DIP2A: variants seen among roughly 807,000 people sequenced by gnomAD.
The protein encoded by DIP2A is disco-interacting protein 2 homolog A.
A neutral mutation model predicts 177.4 loss-of-function variants in DIP2A; 85 were observed. The observed-to-expected ratio is 0.48, with a 90% CI of 0.40 to 0.57. DIP2A has a LOEUF of 0.57. Ranked by LOEUF, DIP2A falls within the 20% of genes least tolerant of loss-of-function variation. The pLI, the probability that DIP2A is intolerant of heterozygous loss-of-function variation, is 0.00. For synonymous variants in DIP2A, 886 were observed against 881.8 expected (o/e 1.00, Z -0.08); for missense variants, 1,791 against 2,100.2 (o/e 0.85, Z 2.88).
At position 46,529,132 on chromosome 21, in the gene DIP2A, A is replaced by G. The variant is rs767026744; in HGVS notation, c.1143A>G (p.Leu381=). The change falls in exon 9 of 38, where the codon CTA becomes CTG. Residue 381 remains leucine (L), a synonymous_variant. Transcript: ENST00000417564. ...GGAGTTTAAAACTAGCTTATACTCT[A>G]CTTAATAAACTGACAAGTAAGAATG... ...WSRSLKLAYT[L]LNKLTSKNEP... is the part of the protein sequence containing the mutation. The G allele has an allele frequency of 3.3e-6, 5 of 1,533,548 alleles. No homozygotes were observed. The Admixed American group carries it at 8.4e-5, about 26-fold the overall frequency. 95.0% of individuals were successfully genotyped at this position (1,533,548 alleles called of 1,614,324 possible).
chr21:46,495,244 T>TTCTCTTCTCTTCTC (rs2057275285), intron 3 of DIP2A, among the ~76,000 whole-genome samples: 1 of 38,176 alleles, frequency 2.6e-5, no homozygotes. Flanking sequence ...CTTCTCTTCT[T>TTCTCTTCTCTTCTC]TCTCTCTCTC....
At chr21:46,473,475 G>T (rs949255437) in intron 1 of DIP2A, among the ~76,000 whole-genome samples, 1 of 145,568 alleles carries the variant, frequency 6.9e-6, no homozygotes, top group Admixed American at 6.8e-5. Flanking sequence ...AAAGGGGGGG[G>T]GGCCATGGCG....
rs2059822040 is a variant in DIP2A at position 46,541,647 on chromosome 21, A to G, written c.2037-109A>G. ...AACATGCGTTTCTCACAAGTCTGTA[A>G]CATGGAGCAGTGGCTTTGGTGCAGA... On this transcript the variant is annotated intron_variant, in intron 17 of 37. Coordinates refer to ENST00000417564, the MANE Select transcript of DIP2A (RefSeq NM_015151.4). 17 of 1,299,160 alleles carry G rather than the reference A, an allele frequency of 1.3e-5. No homozygotes were observed. In the East Asian group the frequency reaches 3.9e-4, roughly 30 times the overall value. 80.5% of individuals were successfully genotyped at this position (1,299,160 alleles called of 1,614,324 possible).
intron 6 of DIP2A, among the ~76,000 whole-genome samples, chr21:46,508,504 G>A (rs1299274928): frequency 2.0e-5 from 3 of 150,788 alleles, no homozygotes; most frequent in South Asian, 2.1e-4. Flanking sequence ...GACTACAGGC[G>A]CCCGCCACCA....
chr21:46,578,918 G>GT, the DIP2A span, among the ~76,000 whole-genome samples: 5 of 152,016 alleles, frequency 3.3e-5, no homozygotes, highest in Non-Finnish European at 7.4e-5. Context: ...CTGAAGTTTT[G>GT]TTTTTTTGTT....
chr21:46,583,562 C>T, the DIP2A span, among the ~76,000 whole-genome samples: 1 of 152,220 alleles, frequency 6.6e-6, no homozygotes, highest in African/African-American at 2.4e-5. Flanking sequence ...TTTTTGTTCA[C>T]TCCAAAACTC....
chr21:46,579,979 G>A, the DIP2A span, among the ~76,000 whole-genome samples: 1 of 152,154 alleles, frequency 6.6e-6, no homozygotes, highest in Non-Finnish European at 1.5e-5. Context: ...TTAATCCAGA[G>A]CTGAGTTCAA....
chr21:46,566,553 T>C lies in DIP2A; in HGVS notation c.4340-7T>C. Reference sequence around the variant, plus strand: ...TCTGGGCACGTGTAAACACACACTGTTCACAGGGCGGCACGATGCACTGTA... The same window carrying C: ...TCTGGGCACGTGTAAACACACACTGCTCACAGGGCGGCACGATGCACTGTA... On this transcript the variant is annotated splice_region_variant and splice_polypyrimidine_tract_variant and intron_variant, in intron 36 of 37. Transcript: ENST00000417564. The C allele has an allele frequency of 6.2e-7, 1 of 1,614,034 alleles. No homozygotes were observed. Among genetic ancestry groups the C allele is most frequent in the Non-Finnish European group, 8.5e-7 (1 of 1,179,898 alleles).
Position 46,509,011 on chromosome 21 carries a change from C to T in DIP2A, c.785-246C>T, listed in dbSNP as rs183225508. Among the ~76,000 whole-genome samples, 481 of 151,946 alleles carry T rather than the reference C, an allele frequency of 3.2e-3. 4 individuals are homozygous for T. The highest frequency in any genetic ancestry group is 0.011 in the African/African-American group (459 of 41,472). On this transcript the variant is annotated intron_variant, in intron 6 of 37. Transcript: ENST00000417564. ...TCTAGCCTGGCAACAGAGTGAGTCT[C>T]CGTCTAAAGCAAAAAAACAAAAACA...
chr21:46,477,018 G>C (rs2055905003), intron 1 of DIP2A, among the ~76,000 whole-genome samples: 1 of 152,050 alleles, frequency 6.6e-6, no homozygotes, highest in South Asian at 2.1e-4. Context: ...TATGTAAAAA[G>C]GATCATTTAA....
chr21:46,538,507 G>T lies in DIP2A; in HGVS notation c.1826G>T (p.Arg609Leu). 1 of 1,552,378 alleles carries T rather than the reference G, an allele frequency of 6.4e-7. No individual in the cohort carries two copies. The change falls in exon 16 of 38, where the codon CGA (arginine) becomes CTA (leucine). Residue 609 changes from arginine to leucine, a missense_variant. Arg to Leu is a moderately radical substitution (Grantham distance 102). Coordinates refer to ENST00000417564, the MANE Select transcript of DIP2A (RefSeq NM_015151.4). The part of the protein sequence containing the change: ...YKARAALVKS[R>L]DMHWSLLAQR... ...GCTCGGGCCGCGCTGGTGAAGTCGC[G>T]AGACATGCACTGGTCTCTCCTAGCT...
chr21:46,534,472 G>A (rs1264548303), intron 12 of DIP2A, 113 bp from the exon 13 acceptor site: 23 of 1,045,864 alleles, frequency 2.2e-5, no homozygotes, highest in Middle Eastern at 2.1e-4. Context: ...GAGGCCGATG[G>A]TTAGAGGAGA....
chr21:46,561,061 T>G, intron 33 of DIP2A: 1 of 954,290 alleles, frequency 1.0e-6, no homozygotes, highest in Non-Finnish European at 1.2e-6. Context: ...AGGGCTGCAG[T>G]TAACATCCCT....
rs768459539 is a variant in DIP2A, at chr21:46,484,834, G to A, written c.163+6G>A. On this transcript the variant is annotated splice_donor_region_variant and intron_variant, in intron 2 of 37. Coordinates refer to ENST00000417564, the MANE Select transcript of DIP2A (RefSeq NM_015151.4). ...TTATATACCGCTTATTCAAGGTAAG[G>A]TCAATACACTCAGGTGTTACATAGC... 4 of 1,569,230 alleles carry A rather than the reference G, an allele frequency of 2.5e-6. No homozygotes were observed. Among genetic ancestry groups the A allele is most frequent in the Non-Finnish European group, 1.7e-6 (2 of 1,159,098 alleles).
intron 8 of DIP2A, among the ~76,000 whole-genome samples, chr21:46,521,232 A>C (rs2058809303): frequency 6.6e-6 from 1 of 152,048 alleles, no homozygotes; most frequent in South Asian, 2.1e-4. Flanking sequence ...TCTGTCACCC[A>C]GGTTGAAGTG....
At chr21:46,469,913 G>C (rs2055197808) in intron 1 of DIP2A, among the ~76,000 whole-genome samples, 1 of 152,114 alleles carries the variant, frequency 6.6e-6, no homozygotes, top group East Asian at 1.9e-4. Flanking sequence ...GGCAGGTCAG[G>C]GGCCAGGATA....
intron 9 of DIP2A, 86 bp from the exon 10 acceptor site, chr21:46,532,041 A>G: frequency 7.5e-7 from 1 of 1,329,992 alleles, no homozygotes; most frequent in Non-Finnish European, 1.0e-6. Flanking sequence ...GGGCTTACAA[A>G]AATTTTATTT....
At chr21:46,541,993 G>A in intron 18 of DIP2A, 98 bp downstream of exon 18, 1 of 1,464,276 alleles carries the variant, frequency 6.8e-7, no homozygotes. Context: ...TTTGTCACCA[G>A]GCTGGAGTGC....
chr21:46,466,970 C>G (rs989046094), intron 1 of DIP2A, among the ~76,000 whole-genome samples: 1 of 152,048 alleles, frequency 6.6e-6, no homozygotes, highest in Non-Finnish European at 1.5e-5. Context: ...ATATTATTTA[C>G]CTTAATATCT....
Sources: allele counts gnomAD v4.1 joint callset (sites outside exome capture counted in the v4.1 genomes callset), GRCh38; gene constraint gnomAD v4.1.1; transcripts MANE v1.5; gene names NCBI Gene and HGNC (gene_info 2026-07-23, HGNC 2026-07-21).